Variants in ITPRID1 observed in about 807,000 individuals in gnomAD.
The protein encoded by ITPRID1 is protein ITPRID1.
ITPRID1 carries 96 observed loss-of-function variants against 95.4 expected under a neutral mutation model. The observed-to-expected ratio is 1.01, with a 90% CI of 0.85 to 1.19. The LOEUF (loss-of-function observed/expected upper bound fraction) is 1.19, where lower values mean the gene tolerates loss of function less well. Among genes scored for constraint, ITPRID1 ranks in the 50% most tolerant of loss-of-function variants. ITPRID1 has a pLI of 0.00. For missense variants in ITPRID1, 1,339 were observed against 1,252.9 expected (o/e 1.07, Z -1.04); for synonymous variants, 510 against 453.6 (o/e 1.12, Z -1.58).
At chr7:31,567,583 CTTT>C (rs377413846) in intron 5 of ITPRID1, among the ~76,000 whole-genome samples, 9 of 131,586 alleles carry the variant, frequency 6.8e-5, no homozygotes, top group Admixed American at 7.6e-5. Context: ...CCGCCTGACT[CTTT>C]TTTTTTTTTT....
chr7:31,638,970 T>C (rs1168463755), intron 10 of ITPRID1, among the ~76,000 whole-genome samples: 1 of 152,146 alleles, frequency 6.6e-6, no homozygotes, highest in East Asian at 1.9e-4. Flanking sequence ...AGACACGGGA[T>C]TTCACCATGT....
intron 10 of ITPRID1, among the ~76,000 whole-genome samples, chr7:31,589,256 A>T (rs549601719): frequency 6.6e-6 from 1 of 152,260 alleles, no homozygotes; most frequent in African/African-American, 2.4e-5. Context: ...ATATATCTAT[A>T]GACGTTATCC....
At chr7:31,595,823 T>C (rs941994564) in intron 10 of ITPRID1, among the ~76,000 whole-genome samples, 11 of 151,884 alleles carry the variant, frequency 7.2e-5, no homozygotes, top group Admixed American at 7.2e-4. Flanking sequence ...TAAATTTTTA[T>C]AGGAAAAAAG....
chr7:31,551,102 T>G (rs2128135956), intron 2 of ITPRID1, among the ~76,000 whole-genome samples: 1 of 143,600 alleles, frequency 7.0e-6, no homozygotes, highest in South Asian at 2.3e-4. Context: ...TGATATGTTA[T>G]TCTTTTCTTC....
intron 10 of ITPRID1, among the ~76,000 whole-genome samples, chr7:31,616,289 T>C (rs1181191502): frequency 6.6e-6 from 1 of 152,190 alleles, no homozygotes; most frequent in Non-Finnish European, 1.5e-5. Flanking sequence ...AAAAAATTAT[T>C]GTATTTATGG....
chr7:31,558,707 T>C (rs1562568543), intron 5 of ITPRID1, among the ~76,000 whole-genome samples: 1 of 152,172 alleles, frequency 6.6e-6, no homozygotes, highest in Non-Finnish European at 1.5e-5. Context: ...CAATAAGAGA[T>C]AGAGATGATT....
chr7:31,529,554 GA>G (rs1583463530), intron 1 of ITPRID1: 2 of 467,394 alleles, frequency 4.3e-6, no homozygotes, highest in East Asian at 6.2e-5. Flanking sequence ...TTCTTGTAGA[GA>G]AGTGGGTAGA....
At chr7:31,577,777 A>T in intron 8 of ITPRID1, 86 bp from the exon 9 acceptor site, 2 of 1,144,472 alleles carry the variant, frequency 1.7e-6, no homozygotes, top group Non-Finnish European at 2.4e-6. Context: ...ATTTCATGTT[A>T]ACGGACCCTT....
intron 6 of ITPRID1, among the ~76,000 whole-genome samples, chr7:31,570,669 C>T (rs1038161108): frequency 8.5e-5 from 13 of 152,278 alleles, no homozygotes; most frequent in Admixed American, 5.9e-4. Context: ...AGGCAACTCT[C>T]GCTTTGTTGA....
chr7:31,568,920 T>G (rs1784890504), intron 5 of ITPRID1, among the ~76,000 whole-genome samples: 1 of 152,224 alleles, frequency 6.6e-6, no homozygotes, highest in African/African-American at 2.4e-5. Flanking sequence ...CCATGAGAAA[T>G]TTATTTAATC....
At position 31,655,817 on chromosome 7, in the gene ITPRID1, T is replaced by A; in HGVS notation, c.*2988T>A. On this transcript the variant is annotated 3_prime_UTR_variant, in exon 15 of 15. Coordinates refer to ENST00000615280, the MANE Select transcript of ITPRID1 (RefSeq NM_001257967.3). ...TTGACCTCCCCTTCTCCATGTAGAC[T>A]CCGAGCTCTCCTGCAGTTTCTTCCT... 1.2e-5 allele frequency: 12 copies of A among 985,610 alleles called. No homozygotes were observed. The highest frequency in any genetic ancestry group is 1.4e-5 in the Non-Finnish European group (12 of 829,998). 61.1% of individuals were successfully genotyped at this position (985,610 alleles called of 1,614,324 possible).
At chr7:31,548,973 C>T (rs1266278107) in intron 1 of ITPRID1, among the ~76,000 whole-genome samples, 2 of 152,014 alleles carry the variant, frequency 1.3e-5, no homozygotes. Context: ...ACAAGGCAAG[C>T]CTGGACACTA....
At chr7:31,589,863 A>G (rs1280198256) in intron 10 of ITPRID1, among the ~76,000 whole-genome samples, 2 of 152,176 alleles carry the variant, frequency 1.3e-5, no homozygotes, top group Non-Finnish European at 2.9e-5. Flanking sequence ...TTGATGTTAT[A>G]CTTGACAATT....
chr7:31,574,767 G>A (rs769337740), intron 8 of ITPRID1, 25 bp downstream of exon 8: 14 of 1,604,774 alleles, frequency 8.7e-6, no homozygotes, highest in Middle Eastern at 1.7e-4. Context: ...TGTGGCATTC[G>A]CATCTCAGCA....
intron 3 of ITPRID1, 46 bp downstream of exon 3, chr7:31,553,233 G>A: frequency 6.6e-7 from 1 of 1,503,894 alleles, no homozygotes; most frequent in Non-Finnish European, 8.9e-7. Context: ...CTCTGTGAGT[G>A]GTGAGGGATG....
chr7:31,607,176 T>G (rs1056863795), intron 10 of ITPRID1, among the ~76,000 whole-genome samples: 1 of 152,188 alleles, frequency 6.6e-6, no homozygotes, highest in Non-Finnish European at 1.5e-5. Flanking sequence ...CTCAGTGTGC[T>G]TTCCCACCTG....
At chr7:31,633,326 C>G (rs778831118) in intron 10 of ITPRID1, among the ~76,000 whole-genome samples, 1 of 152,064 alleles carries the variant, frequency 6.6e-6, no homozygotes, top group African/African-American at 2.4e-5. Context: ...GTAGAGGTGG[C>G]CAATACAAAG....
chr7:31,576,394 A>G (rs1785184324), intron 8 of ITPRID1, among the ~76,000 whole-genome samples: 2 of 152,234 alleles, frequency 1.3e-5, no homozygotes, highest in African/African-American at 2.4e-5. Context: ...TGTTCTCTGA[A>G]TTGACTTAAC....
intron 1 of ITPRID1, among the ~76,000 whole-genome samples, chr7:31,531,365 A>C (rs1783590664): frequency 6.6e-6 from 1 of 151,676 alleles, no homozygotes; most frequent in South Asian, 2.1e-4. Context: ...TTTTCTGATT[A>C]TAAGAATAAT....
Sources: allele counts gnomAD v4.1 joint callset (sites outside exome capture counted in the v4.1 genomes callset), GRCh38; gene constraint gnomAD v4.1.1; transcripts MANE v1.5; gene names NCBI Gene and HGNC (gene_info 2026-07-23, HGNC 2026-07-21).